The following IL36A variants were observed in gnomAD, a reference collection of about 807,000 sequenced individuals.
IL36A encodes interleukin 36 alpha.
A neutral mutation model predicts 12.7 loss-of-function variants in IL36A; 13 were observed. The ratio of observed to expected loss-of-function variants is 1.02; its 90% CI spans 0.67 to 1.63. The LOEUF (loss-of-function observed/expected upper bound fraction) is 1.63. Among genes scored for constraint, IL36A ranks in the 40% most tolerant of loss-of-function variants. The probability of loss-of-function intolerance (pLI) is 0.00; values close to 1 mark genes in which losing one functional copy is unlikely to be tolerated. For synonymous variants in IL36A, 73 were observed against 71.9 expected (o/e 1.01, Z -0.08); for missense variants, 195 against 192.9 (o/e 1.01, Z -0.07).
At position 113,006,590 on chromosome 2, in the gene IL36A, G is replaced by C. The variant is rs1290790315; in HGVS notation, c.125-8G>C. On this transcript the variant is annotated splice_polypyrimidine_tract_variant and splice_region_variant and intron_variant, in intron 2 of 3. Transcript: ENST00000259211. Reference sequence around the variant, plus strand: ...AGCTGAACACCACTTTTCACATCGTGTTCCCAGTCACTATTGCCTTAATCT... The same window carrying C: ...AGCTGAACACCACTTTTCACATCGTCTTCCCAGTCACTATTGCCTTAATCT... 6.2e-7 allele frequency: 1 copy of C among 1,613,818 alleles called. No individual in the cohort carries two copies. The highest frequency in any genetic ancestry group is 1.7e-5 in the Admixed American group (1 of 59,988).
chr2:113,007,959 G>C lies in IL36A; in HGVS notation c.392G>C (p.Ser131Thr). Residue 131 changes from serine (S) to threonine (T), a missense_variant, in exon 4 of 4, where the codon AGC becomes ACC. Physicochemically the swap from Ser to Thr is moderately conservative, Grantham distance 58. Transcript: ENST00000259211. ...TTCCCTGGCTGGTTCATCGCTGTCA[G>C]CTCTGAAGGAGGCTGTCCTCTCATC... ...VAFPGWFIAV[S>T]SEGGCPLILT... The C allele has an allele frequency of 6.2e-7, 1 of 1,614,196 alleles. No homozygotes were observed. The highest frequency in any genetic ancestry group is 1.6e-4 in the Middle Eastern group (1 of 6,062).
At chr2:113,008,052 TG>T (rs1684664697), downstream of IL36A, 2 of 1,610,624 alleles carry the variant, frequency 1.2e-6, no homozygotes, top group Non-Finnish European at 1.7e-6. Context: ...TAAGGTCAGT[TG>T]GGTTTGGAGG....
In IL36A at chr2:113,005,870, C is replaced by T. The variant is rs1684603951; in HGVS notation, c.-2C>T. The stretch of plus-strand genomic sequence containing the variant: ...TGGCAGTTCTGAAACAACACCACCA[C>T]AATGGAAAAAGGTAAAGATCCTCGT... On this transcript the variant is annotated 5_prime_UTR_variant, in exon 1 of 4. Transcript: ENST00000259211. 1 of 1,614,104 alleles carries T rather than the reference C, an allele frequency of 6.2e-7. No individual in the cohort carries two copies. The highest frequency in any genetic ancestry group is 8.5e-7 in the Non-Finnish European group (1 of 1,180,010).
chr2:113,009,056 T>A (rs1289659080), downstream of IL36A, among the ~76,000 whole-genome samples: 1 of 145,216 alleles, frequency 6.9e-6, no homozygotes, highest in African/African-American at 2.6e-5. Flanking sequence ...CACCTATGAG[T>A]GAGAAGATGC....
chr2:113,006,487 A>G, intron 2 of IL36A, 111 bp from the exon 3 acceptor site: 1 of 1,209,114 alleles, frequency 8.3e-7, no homozygotes, highest in East Asian at 2.3e-5. Flanking sequence ...TGAGGTGACC[A>G]TTCTATGAGT....
intron 3 of IL36A, among the ~76,000 whole-genome samples, chr2:113,007,459 G>A (rs181155423): frequency 1.4e-4 from 21 of 152,310 alleles, no homozygotes; most frequent in African/African-American, 5.1e-4. Context: ...TGCTGAAGGT[G>A]CAGAAACCTG....
chr2:113,007,809 G>C, intron 3 of IL36A, 23 bp from the exon 4 acceptor site: 1 of 1,565,992 alleles, frequency 6.4e-7, no homozygotes, highest in East Asian at 2.2e-5. Context: ...GTTTCTTGCT[G>C]GTGTCTCCTT....
At chr2:113,009,546 T>G (rs957806750), downstream of IL36A, among the ~76,000 whole-genome samples, 1 of 152,178 alleles carries the variant, frequency 6.6e-6, no homozygotes, top group African/African-American at 2.4e-5. Context: ...TCAAATGGCT[T>G]TAGTGGAATA....
intron 3 of IL36A, 32 bp from the exon 4 acceptor site, chr2:113,007,800 T>C: frequency 2.0e-6 from 3 of 1,534,454 alleles, no homozygotes; most frequent in South Asian, 1.1e-5. Context: ...AACAGTTATG[T>C]TTCTTGCTGG....
downstream of IL36A, among the ~76,000 whole-genome samples, chr2:113,010,034 A>C (rs765512936): frequency 6.6e-6 from 1 of 150,598 alleles, no homozygotes; most frequent in Non-Finnish European, 1.5e-5. Flanking sequence ...ATTTTGAAAT[A>C]AGTTTTCTTC....
chr2:113,008,875 T>C (rs1296319360), downstream of IL36A, among the ~76,000 whole-genome samples: 1 of 151,788 alleles, frequency 6.6e-6, no homozygotes, highest in Non-Finnish European at 1.5e-5. Flanking sequence ...GACATGCAGG[T>C]TGGTTACATA....
In IL36A at chr2:113,005,612, A is replaced by G. The variant is rs902583101; in HGVS notation, c.-260A>G. ...TGGCCTTGGCACTCTTTGTCATATT[A>G]GAGTTCCTGGGTCTAGGCCTGGGCA... is the stretch of plus-strand genomic sequence containing the variant. On this transcript the variant is annotated 5_prime_UTR_variant, in exon 1 of 4. Transcript: ENST00000259211. The G allele has an allele frequency of 1.9e-5, 11 of 577,008 alleles. No individual in the cohort carries two copies. The South Asian group carries it at 2.3e-4, about 12-fold the overall frequency. The allele number at this position is 577,008 out of a possible 1,614,324, so 35.7% of individuals were successfully genotyped here.
Position 113,005,565 on chromosome 2 carries a change from A to AT in IL36A, c.-299dup, listed in dbSNP as rs954952283. ...ATGCTGGAAAGTCTGGTGACCTCTG[A>AT]TTTTTTTTGCTTCCAGGTCTTTGGC... On this transcript the variant is annotated 5_prime_UTR_variant, in exon 1 of 4. The change creates a premature stop within an existing upstream ORF in the 5' untranslated region. Transcript: ENST00000259211. 87 of 511,498 alleles carry AT rather than the reference A, an allele frequency of 1.7e-4. No homozygotes were observed. The highest frequency in any genetic ancestry group is 5.0e-4 in the South Asian group (22 of 44,226). 31.7% of individuals were successfully genotyped at this position (511,498 alleles called of 1,614,324 possible).
chr2:113,006,828 A>C, intron 3 of IL36A, 91 bp downstream of exon 3: 1 of 1,399,904 alleles, frequency 7.1e-7, no homozygotes, highest in Non-Finnish European at 9.7e-7. Context: ...ATGCTCATGC[A>C]TTTTTATTTT....
At chr2:113,006,482 T>C in intron 2 of IL36A, 116 bp from the exon 3 acceptor site, 1 of 1,133,004 alleles carries the variant, frequency 8.8e-7, no homozygotes, top group Non-Finnish European at 1.3e-6. Context: ...GGTGGTGAGG[T>C]GACCATTCTA....
chr2:113,005,820 C>A lies in IL36A; in HGVS notation c.-52C>A. Reference sequence around the variant, plus strand: ...ACTCAGGTCCTCTCTTGGGGTCGGTCTGCACATAAAAGGACTCCTATCCTT... The same window carrying A: ...ACTCAGGTCCTCTCTTGGGGTCGGTATGCACATAAAAGGACTCCTATCCTT... On this transcript the variant is annotated 5_prime_UTR_variant, in exon 1 of 4. It adds an upstream start codon to the 5' untranslated region. Transcript: ENST00000259211. 1 of 1,610,390 alleles carries A rather than the reference C, an allele frequency of 6.2e-7. No individual in the cohort carries two copies. Among genetic ancestry groups the A allele is most frequent in the Non-Finnish European group, 8.5e-7 (1 of 1,176,646 alleles).
At chr2:113,005,934 C>T (rs1401030565) in intron 1 of IL36A, 40 bp from the exon 2 acceptor site, 2 of 1,611,752 alleles carry the variant, frequency 1.2e-6, no homozygotes, top group Non-Finnish European at 1.7e-6. Context: ...ATATTCTGTG[C>T]TCTCATTCTT....
rs1270740437 is a variant in IL36A, at chr2:113,005,666, G to A, written c.-206G>A. The A allele has an allele frequency of 4.8e-6, 3 of 629,398 alleles. No homozygotes were observed. The East Asian group carries it at 8.2e-5, about 17-fold the overall frequency. 39.0% of individuals were successfully genotyped at this position (629,398 alleles called of 1,614,324 possible). ...TTCATAGGTGCAGCTGCTTCTGCTG[G>A]AGGTAGACTGCATCCAACAAAGTAA... is the stretch of plus-strand genomic sequence containing the variant. On this transcript the variant is annotated 5_prime_UTR_variant, in exon 1 of 4. Transcript: ENST00000259211.
In IL36A at chr2:113,006,687, C is replaced by G. The variant is rs1684629012; in HGVS notation, c.214C>G (p.Leu72Val). The stretch of plus-strand genomic sequence containing the variant: ...CTACCTGGGCCTGAATGGACTCAAT[C>G]TCTGCCTGATGTGTGCTAAAGTCGG... ...PIYLGLNGLN[L>V]CLMCAKVGDQ... is the part of the protein sequence containing the mutation. The change falls in exon 3 of 4, where the codon CTC becomes GTC. Residue 72 changes from leucine (L) to valine (V), a missense_variant. Transcript: ENST00000259211. 1 of 1,614,176 alleles carries G rather than the reference C, an allele frequency of 6.2e-7. No individual in the cohort carries two copies. Among genetic ancestry groups the G allele is most frequent in the East Asian group, 2.2e-5 (1 of 44,894 alleles).
Sources: allele counts gnomAD v4.1 joint callset (sites outside exome capture counted in the v4.1 genomes callset), GRCh38; gene constraint gnomAD v4.1.1; transcripts MANE v1.5; gene names NCBI Gene and HGNC (gene_info 2026-07-23, HGNC 2026-07-21).